Variants in DPYD observed in about 807,000 individuals in gnomAD.
DPYD encodes the protein dihydropyrimidine dehydrogenase.
Under a neutral mutation model 116.2 loss-of-function variants are expected in DPYD, and 109 were observed. The ratio of observed to expected loss-of-function variants is 0.94; its 90% CI spans 0.80 to 1.10. The LOEUF (loss-of-function observed/expected upper bound fraction) is 1.10. DPYD is among the 50% of genes least tolerant of loss of function. DPYD has a pLI of 0.00. For missense variants in DPYD, 1,302 were observed against 1,254.5 expected (o/e 1.04, Z -0.57); for synonymous variants, 440 against 432.0 (o/e 1.02, Z -0.23).
At chr1:97,273,563 C>A (rs999336457) in intron 18 of DPYD, among the ~76,000 whole-genome samples, 1 of 152,036 alleles carries the variant, frequency 6.6e-6, no homozygotes, top group Non-Finnish European at 1.5e-5. Flanking sequence ...GGAGAGAGGA[C>A]TAAGGAAGGT....
chr1:97,290,540 C>A (rs78918326), intron 18 of DPYD, among the ~76,000 whole-genome samples: 90,082 of 151,578 alleles, frequency 0.59, 26,965 homozygotes, highest in South Asian at 0.71. Flanking sequence ...CGCATATCTA[C>A]AACTATCTGA....
In DPYD at chr1:97,287,763, A is replaced by AT. The variant is rs1247123492; in HGVS notation, c.2299+17495dup. On this transcript the variant is annotated intron_variant, in intron 18 of 22. Transcript: ENST00000370192. ...GCAGGATATAATCTCCTGGTGCGCC[A>AT]TTTTTTAAGCCTGTCGGAAACTCTC... is the stretch of plus-strand genomic sequence containing the variant. 4.6e-5 allele frequency among the ~76,000 whole-genome samples: 7 copies of AT among 152,084 alleles called. No individual in the cohort carries two copies. The South Asian group carries it at 1.2e-3, about 27-fold the overall frequency.
chr1:97,343,520 C>T (rs1292067667), intron 16 of DPYD, among the ~76,000 whole-genome samples: 2 of 151,998 alleles, frequency 1.3e-5, no homozygotes, highest in African/African-American at 2.4e-5. Context: ...TATACTTGTC[C>T]TTAACACAGA....
intron 21 of DPYD, among the ~76,000 whole-genome samples, chr1:97,091,381 G>T (rs1015948205): frequency 6.6e-6 from 1 of 152,112 alleles, no homozygotes; most frequent in African/African-American, 2.4e-5. Flanking sequence ...TAGGAAAAAT[G>T]GTATGTCAAG....
intron 20 of DPYD, among the ~76,000 whole-genome samples, chr1:97,122,054 T>C (rs547247370): frequency 6.6e-6 from 1 of 152,136 alleles, no homozygotes; most frequent in Admixed American, 6.6e-5. Flanking sequence ...GGAAATGTTT[T>C]CAGTACCAGA....
chr1:97,128,600 G>A (rs1653032076), intron 20 of DPYD, among the ~76,000 whole-genome samples: 1 of 152,094 alleles, frequency 6.6e-6, no homozygotes, highest in South Asian at 2.1e-4. Context: ...ATGTTTATGA[G>A]CTGAAAGATG....
At chr1:97,785,119 CT>C (rs1465319754) in intron 3 of DPYD, among the ~76,000 whole-genome samples, 6 of 152,000 alleles carry the variant, frequency 3.9e-5, no homozygotes, top group Non-Finnish European at 7.4e-5. Flanking sequence ...GAGAATATAG[CT>C]AATACAAACT....
chr1:97,138,253 G>T (rs1474448656), intron 20 of DPYD, among the ~76,000 whole-genome samples: 4 of 152,242 alleles, frequency 2.6e-5, no homozygotes, highest in East Asian at 1.9e-4. Flanking sequence ...CAGTAATAAA[G>T]AACTTGTTTG....
chr1:97,413,177 T>C (rs1348584728), intron 14 of DPYD, among the ~76,000 whole-genome samples: 2 of 152,200 alleles, frequency 1.3e-5, no homozygotes, highest in African/African-American at 4.8e-5. Flanking sequence ...GAATGCAGAC[T>C]GTAAAGGCTG....
chr1:97,806,766 G>C (rs1316321395), intron 3 of DPYD, among the ~76,000 whole-genome samples: 3 of 151,850 alleles, frequency 2.0e-5, no homozygotes, highest in African/African-American at 7.2e-5. Flanking sequence ...TATCATGATA[G>C]TATCATACGA....
intron 5 of DPYD, among the ~76,000 whole-genome samples, chr1:97,708,238 T>A (rs1175368690): frequency 6.6e-6 from 1 of 152,128 alleles, no homozygotes; most frequent in Non-Finnish European, 1.5e-5. Context: ...CCGAAGGTCA[T>A]CTACATGGTC....
chr1:97,105,800 T>C (rs768238352), intron 20 of DPYD, among the ~76,000 whole-genome samples: 10 of 152,142 alleles, frequency 6.6e-5, no homozygotes, highest in Non-Finnish European at 1.5e-4. Flanking sequence ...CAGAGGTTAA[T>C]ACAATCTTTA....
At chr1:97,859,377 C>G (rs1558013540) in intron 2 of DPYD, among the ~76,000 whole-genome samples, 1 of 152,124 alleles carries the variant, frequency 6.6e-6, no homozygotes, top group Non-Finnish European at 1.5e-5. Flanking sequence ...CATTCCTTAT[C>G]TATAAAGAAC....
chr1:97,464,839 A>G (rs374886606), intron 13 of DPYD, among the ~76,000 whole-genome samples: 1 of 152,178 alleles, frequency 6.6e-6, no homozygotes, highest in East Asian at 1.9e-4. Context: ...TCAGTGCCCT[A>G]GAGTCCCTAC....
intron 3 of DPYD, among the ~76,000 whole-genome samples, chr1:97,812,749 T>C (rs1434066618): frequency 6.6e-6 from 1 of 152,120 alleles, no homozygotes; most frequent in Non-Finnish European, 1.5e-5. Flanking sequence ...ATACAATGAT[T>C]CAGGTATGTC....
At chr1:97,843,047 T>C (rs1363022284) in intron 2 of DPYD, among the ~76,000 whole-genome samples, 5 of 152,124 alleles carry the variant, frequency 3.3e-5, no homozygotes, top group African/African-American at 1.2e-4. Context: ...AAGACTGTTA[T>C]TAACTCCCCA....
intron 7 of DPYD, chr1:97,691,099 G>C (rs892332153): frequency 6.6e-6 from 1 of 152,190 alleles, no homozygotes; most frequent in Admixed American, 6.5e-5. Flanking sequence ...CAAGTGAAGA[G>C]CTAGAATATA....
intron 20 of DPYD, among the ~76,000 whole-genome samples, chr1:97,186,934 TTC>T (rs1201647258): frequency 6.6e-6 from 1 of 152,222 alleles, no homozygotes; most frequent in Non-Finnish European, 1.5e-5. Context: ...CATGATTTCA[TTC>T]TTTTTTTATG....
At chr1:97,647,985 T>G (rs1043017685) in intron 8 of DPYD, among the ~76,000 whole-genome samples, 1 of 152,032 alleles carries the variant, frequency 6.6e-6, no homozygotes, top group African/African-American at 2.4e-5. Context: ...TACTACCAAA[T>G]CAGATTTTCA....
Sources: allele counts gnomAD v4.1 joint callset (sites outside exome capture counted in the v4.1 genomes callset), GRCh38; gene constraint gnomAD v4.1.1; transcripts MANE v1.5; gene names NCBI Gene and HGNC (gene_info 2026-07-23, HGNC 2026-07-21).